The following BTLA variants were observed in gnomAD, a reference collection of about 807,000 sequenced individuals.
The protein encoded by BTLA is B- and T-lymphocyte attenuator.
In BTLA, 11 loss-of-function variants were observed where a neutral mutation model predicts 25.0. The observed-to-expected ratio is 0.44, with a 90% CI of 0.28 to 0.73. The LOEUF is 0.73. Among genes scored for constraint, BTLA ranks in the 30% least tolerant of loss-of-function variants. The pLI is 0.15. For synonymous variants in BTLA, 104 were observed against 119.8 expected (o/e 0.87, Z 0.86); for missense variants, 282 against 332.8 (o/e 0.85, Z 1.19).
chr3:112,489,422 A>G (rs996586063), intron 1 of BTLA, among the ~76,000 whole-genome samples: 2 of 152,170 alleles, frequency 1.3e-5, no homozygotes, highest in African/African-American at 4.8e-5. Context: ...TTTAAATACC[A>G]TATGTTTTGA....
intron 2 of BTLA, among the ~76,000 whole-genome samples, chr3:112,478,634 C>T (rs1240524494): frequency 6.6e-6 from 1 of 152,024 alleles, no homozygotes; most frequent in Non-Finnish European, 1.5e-5. Context: ...TGCCTGTTTG[C>T]TCTGGCTAGA....
chr3:112,493,952 T>A (rs1174603048), intron 1 of BTLA, among the ~76,000 whole-genome samples: 1 of 152,014 alleles, frequency 6.6e-6, no homozygotes, highest in Non-Finnish European at 1.5e-5. Flanking sequence ...GTACTAAAAA[T>A]ACAAAAAATT....
intron 3 of BTLA, 70 bp downstream of exon 3, chr3:112,471,142 T>A: frequency 1.3e-6 from 2 of 1,489,812 alleles, no homozygotes; most frequent in Non-Finnish European, 1.8e-6. Context: ...AAACTAAAAA[T>A]CCTTTAGCCC....
intron 4 of BTLA, among the ~76,000 whole-genome samples, chr3:112,466,989 T>C (rs1420360270): frequency 6.6e-6 from 1 of 150,830 alleles, no homozygotes; most frequent in Admixed American, 6.6e-5. Context: ...GACGGAGTCT[T>C]GCCTATAGCC....
chr3:112,485,147 C>G (rs577006295), intron 1 of BTLA, among the ~76,000 whole-genome samples: 18 of 152,022 alleles, frequency 1.2e-4, no homozygotes, highest in Non-Finnish European at 2.5e-4. Context: ...CAGGTTCAAG[C>G]GATTCTCCTG....
At chr3:112,483,986 A>G (rs2082332542) in intron 1 of BTLA, among the ~76,000 whole-genome samples, 1 of 151,950 alleles carries the variant, frequency 6.6e-6, no homozygotes, top group South Asian at 2.1e-4. Context: ...AAAAAAAGAT[A>G]CAAACAACTT....
At chr3:112,487,375 G>C (rs2082354110) in intron 1 of BTLA, among the ~76,000 whole-genome samples, 1 of 152,074 alleles carries the variant, frequency 6.6e-6, no homozygotes, top group African/African-American at 2.4e-5. Context: ...ACCAGAGGTC[G>C]GGAGTTTGAG....
At chr3:112,486,719 T>A (rs2082349843) in intron 1 of BTLA, among the ~76,000 whole-genome samples, 1 of 152,196 alleles carries the variant, frequency 6.6e-6, no homozygotes, top group Non-Finnish European at 1.5e-5. Flanking sequence ...ATTAAAAAAA[T>A]TTCAATTGTA....
In BTLA at chr3:112,466,059, T is replaced by C. The variant is rs771707369; in HGVS notation, c.*49A>G. 2.0e-6 allele frequency: 3 copies of C among 1,477,738 alleles called. No individual in the cohort carries two copies. The highest frequency in any genetic ancestry group is 2.2e-5 in the Admixed American group (1 of 45,230). 91.5% of individuals were successfully genotyped at this position (1,477,738 alleles called of 1,614,324 possible). On this transcript the variant is annotated 3_prime_UTR_variant, in exon 5 of 5. Transcript: ENST00000334529. The stretch of plus-strand genomic sequence containing the variant: ...ACATCCTGTTGAGCCCAGACAATGA[T>C]GTCAACATGCTGATCATTCAATGGT...
In BTLA at chr3:112,466,370, A is replaced by G. The variant is rs1352596371; in HGVS notation, c.608T>C (p.Leu203Pro). 1 of 1,601,764 alleles carries G rather than the reference A, an allele frequency of 6.2e-7. No homozygotes were observed. The highest frequency in any genetic ancestry group is 8.5e-7 in the Non-Finnish European group (1 of 1,172,072). The change falls in exon 5 of 5, where the codon CTT (leucine) becomes CCT (proline). Residue 203 changes from leucine to proline, a missense_variant. By Grantham distance (98) the Leu-to-Pro change is moderately conservative (BLOSUM62 -3). Transcript: ENST00000334529. ...GREINLVDAH[L>P]KSEQTEASTR... ...GCTTGCTTCTGTTTGCTCACTCTTAAGGTGAGCATCAACCTACAATAGAAA... is the reference window on the plus strand; with the variant it reads ...GCTTGCTTCTGTTTGCTCACTCTTAGGGTGAGCATCAACCTACAATAGAAA...
intron 2 of BTLA, among the ~76,000 whole-genome samples, chr3:112,475,985 C>T (rs1257838754): frequency 6.6e-6 from 1 of 151,976 alleles, no homozygotes; most frequent in African/African-American, 2.4e-5. Flanking sequence ...GTGTTCATTC[C>T]ATACATCCTT....
At chr3:112,498,838 T>C (rs1231716977) in intron 1 of BTLA, among the ~76,000 whole-genome samples, 2 of 152,198 alleles carry the variant, frequency 1.3e-5, no homozygotes. Context: ...CATGGAGATA[T>C]GTATAATTCC....
chr3:112,484,469 G>A (rs1295664822), intron 1 of BTLA, among the ~76,000 whole-genome samples: 2 of 152,132 alleles, frequency 1.3e-5, no homozygotes, highest in African/African-American at 2.4e-5. Context: ...TAAGATGAAA[G>A]GATTGAACTG....
chr3:112,478,995 T>G lies in BTLA; in HGVS notation c.403+460A>C, dbSNP rs200364478. On this transcript the variant is annotated intron_variant, in intron 2 of 4. Coordinates refer to ENST00000334529, the MANE Select transcript of BTLA (RefSeq NM_181780.4). ...TTTTTCCTCTAAACAAACTGTGAAC[T>G]ATTAAGAAGTGTTTAATTGCCTAAG... Among the ~76,000 whole-genome samples the G allele has an allele frequency of 2.0e-5, 3 of 152,028 alleles. No individual in the cohort carries two copies. In the East Asian group the frequency reaches 5.8e-4, roughly 29 times the overall value.
intron 1 of BTLA, among the ~76,000 whole-genome samples, chr3:112,485,878 C>T (rs1327799152): frequency 6.6e-6 from 1 of 152,108 alleles, no homozygotes; most frequent in African/African-American, 2.4e-5. Context: ...TTTGGGAGGC[C>T]GAGGCGAGTG....
At chr3:112,473,597 CT>C (rs1232676023) in intron 2 of BTLA, among the ~76,000 whole-genome samples, 1 of 143,842 alleles carries the variant, frequency 7.0e-6, no homozygotes, top group East Asian at 2.1e-4. Flanking sequence ...TGGGGAAGTT[CT>C]TTTTTTCTTC....
intron 2 of BTLA, among the ~76,000 whole-genome samples, chr3:112,475,119 A>G (rs2082282091): frequency 6.6e-6 from 1 of 152,218 alleles, no homozygotes; most frequent in South Asian, 2.1e-4. Flanking sequence ...CGAGATGCTT[A>G]TAGAAGCAAT....
At chr3:112,469,605 A>T (rs1180240772) in intron 4 of BTLA, among the ~76,000 whole-genome samples, 153 bp downstream of exon 4, 1 of 58,712 alleles carries the variant, frequency 1.7e-5, no homozygotes, top group Non-Finnish European at 4.2e-5. Context: ...AAATGGGTCT[A>T]TGTATATATA....
At chr3:112,483,537 C>G (rs12632867) in intron 1 of BTLA, among the ~76,000 whole-genome samples, 24,498 of 152,008 alleles carry the variant, frequency 0.16, 4,018 homozygotes, top group African/African-American at 0.4. Context: ...TGAAAGCAAG[C>G]CTTGAGGGAC....
Sources: allele counts gnomAD v4.1 joint callset (sites outside exome capture counted in the v4.1 genomes callset), GRCh38; gene constraint gnomAD v4.1.1; transcripts MANE v1.5; gene names NCBI Gene and HGNC (gene_info 2026-07-23, HGNC 2026-07-21).